GYS2: variants seen among roughly 807,000 people sequenced by gnomAD.
GYS2 encodes glycogen [starch] synthase, liver.
In GYS2, 80 loss-of-function variants were observed where a neutral mutation model predicts 85.6. The observed-to-expected ratio is 0.93, with a 90% confidence interval of 0.78 to 1.13. The LOEUF (loss-of-function observed/expected upper bound fraction) is 1.13, where lower values mean the gene tolerates loss of function less well. GYS2 is among the 50% of genes most tolerant of loss of function. GYS2 has a pLI of 0.00. For synonymous variants in GYS2, 328 were observed against 300.7 expected, an observed-to-expected ratio of 1.09 and a Z score of -0.94; for missense variants, 881 against 854.9, an observed-to-expected ratio of 1.03 and a Z score of -0.38.
chr12:21,579,247 C>G (rs1944480379), intron 2 of GYS2, among the ~76,000 whole-genome samples: 1 of 152,002 alleles, frequency 6.6e-6, no homozygotes, highest in Non-Finnish European at 1.5e-5. Context: ...TATTATCTTA[C>G]AGATATTGAA....
chr12:21,590,873 A>G (rs1435640005), intron 1 of GYS2, among the ~76,000 whole-genome samples: 1 of 152,200 alleles, frequency 6.6e-6, no homozygotes, highest in African/African-American at 2.4e-5. Context: ...CACTGATGAT[A>G]CTGTTGGCAG....
At chr12:21,588,323 C>T (rs934632897) in intron 1 of GYS2, among the ~76,000 whole-genome samples, 4 of 152,218 alleles carry the variant, frequency 2.6e-5, no homozygotes, top group African/African-American at 9.6e-5. Flanking sequence ...TCAATAGTCA[C>T]AATCAATGGT....
At chr12:21,534,558 G>C (rs1441039484), downstream of GYS2, among the ~76,000 whole-genome samples, 2 of 127,964 alleles carry the variant, frequency 1.6e-5, no homozygotes, top group African/African-American at 5.8e-5. Flanking sequence ...AGAGAGAAAG[G>C]AAAAAGAAAG....
At chr12:21,542,952 T>G (rs151275694) in intron 12 of GYS2, among the ~76,000 whole-genome samples, 56 of 152,326 alleles carry the variant, frequency 3.7e-4, no homozygotes, top group Non-Finnish European at 6.9e-4. Context: ...CAGCTGGTTT[T>G]GTTTCTTGCT....
intron 7 of GYS2, 74 bp from the exon 8 acceptor site, chr12:21,560,566 T>C (rs1265753679): frequency 2.5e-6 from 2 of 795,626 alleles, no homozygotes; most frequent in Non-Finnish European, 2.3e-6. Flanking sequence ...AACTTAAACA[T>C]TGAAAAGTAG....
chr12:21,551,819 A>G (rs2136861143), intron 11 of GYS2, among the ~76,000 whole-genome samples: 1 of 152,328 alleles, frequency 6.6e-6, no homozygotes, highest in Middle Eastern at 3.4e-3. Flanking sequence ...GGCAATCATC[A>G]AACTGGCAAC....
At chr12:21,576,101 C>T in intron 2 of GYS2, 44 bp from the exon 3 acceptor site, 1 of 1,457,492 alleles carries the variant, frequency 6.9e-7, no homozygotes, top group African/African-American at 1.4e-5. Context: ...TTAAGTCATG[C>T]AAGACAGGAC....
intron 1 of GYS2, among the ~76,000 whole-genome samples, chr12:21,596,460 A>G (rs768637881): frequency 8.5e-5 from 13 of 152,140 alleles, no homozygotes; most frequent in Non-Finnish European, 1.8e-4. Context: ...CAAGTCAATA[A>G]GTGTGATACA....
chr12:21,537,326 A>G, intron 15 of GYS2, 151 bp from the exon 16 acceptor site: 1 of 674,248 alleles, frequency 1.5e-6, no homozygotes. Flanking sequence ...TGATTTTGAT[A>G]CCACCAATCT....
intron 5 of GYS2, among the ~76,000 whole-genome samples, chr12:21,565,686 T>C (rs1203387269): frequency 1.3e-5 from 2 of 151,646 alleles, no homozygotes; most frequent in East Asian, 3.9e-4. Context: ...GCTCATATCA[T>C]TTAAATTTTT....
intron 5 of GYS2, among the ~76,000 whole-genome samples, chr12:21,566,722 C>A (rs984728140): frequency 4.6e-5 from 7 of 152,096 alleles, no homozygotes; most frequent in Non-Finnish European, 2.9e-5. Context: ...AAAGGATTAT[C>A]CACATTATGC....
At chr12:21,569,810 A>G (rs1944365356) in intron 4 of GYS2, among the ~76,000 whole-genome samples, 2 of 152,138 alleles carry the variant, frequency 1.3e-5, no homozygotes, top group South Asian at 4.1e-4. Context: ...AGTGTCAGGC[A>G]CTCCACTACG....
intron 1 of GYS2, among the ~76,000 whole-genome samples, chr12:21,589,455 T>C (rs1944610287): frequency 6.6e-6 from 1 of 152,162 alleles, no homozygotes; most frequent in African/African-American, 2.4e-5. Context: ...GGAAGGGGCT[T>C]GAAGATTACT....
At chr12:21,599,725 A>T (rs1251776734) in intron 1 of GYS2, among the ~76,000 whole-genome samples, 1 of 152,208 alleles carries the variant, frequency 6.6e-6, no homozygotes, top group African/African-American at 2.4e-5. Flanking sequence ...AGTAACATTG[A>T]TGTATACATA....
At chr12:21,568,788 T>C (rs1296508655) in intron 5 of GYS2, 77 bp downstream of exon 5, 1 of 1,314,584 alleles carries the variant, frequency 7.6e-7, no homozygotes, top group East Asian at 2.3e-5. Context: ...AACTACTACT[T>C]CACGATGGAA....
intron 3 of GYS2, 69 bp downstream of exon 3, chr12:21,575,797 G>T: frequency 8.6e-7 from 1 of 1,169,510 alleles, no homozygotes. Context: ...TAAAGATCAT[G>T]GGATCATTCT....
downstream of GYS2, chr12:21,535,215 T>C (rs1315359610): frequency 6.6e-6 from 1 of 152,180 alleles, no homozygotes; most frequent in Non-Finnish European, 1.5e-5. Context: ...TCTTCAGGTA[T>C]TTTACTGTGT....
chr12:21,566,002 G>A (rs561944893), intron 5 of GYS2, among the ~76,000 whole-genome samples: 1 of 152,158 alleles, frequency 6.6e-6, no homozygotes, highest in Non-Finnish European at 1.5e-5. Flanking sequence ...GATATTTAAG[G>A]CATATGTTGT....
chr12:21,548,783 T>A (rs1257179105), intron 11 of GYS2, among the ~76,000 whole-genome samples: 1 of 152,150 alleles, frequency 6.6e-6, no homozygotes, highest in Non-Finnish European at 1.5e-5. Context: ...TTCTATATAG[T>A]CAATTAATTT....
Sources: gnomAD v4.1 joint callset for allele counts (sites outside exome capture counted in the v4.1 genomes callset) on GRCh38, gnomAD v4.1.1 for gene constraint, MANE v1.5 for transcripts, NCBI Gene and HGNC (gene_info 2026-07-23, HGNC 2026-07-21) for gene names.